ROR2: variants seen among roughly 807,000 people sequenced by gnomAD.
The protein encoded by ROR2 is ROR family WNT receptor 2.
Under a neutral mutation model 74.9 loss-of-function variants are expected in ROR2, and 33 were observed. That is an observed-to-expected ratio of 0.44 (90% CI 0.33 to 0.59). The LOEUF (loss-of-function observed/expected upper bound fraction) is 0.59, where lower values mean the gene tolerates loss of function less well. ROR2 is among the 20% of genes least tolerant of loss of function. The pLI, the probability that ROR2 is intolerant of heterozygous loss-of-function variation, is 0.02. For synonymous variants in ROR2, 586 were observed against 558.7 expected, an observed-to-expected ratio of 1.05 and a Z score of -0.69; for missense variants, 1,216 against 1,313.8, an observed-to-expected ratio of 0.93 and a Z score of 1.15.
At chr9:91,849,448 A>G (rs772241075) in intron 1 of ROR2, among the ~76,000 whole-genome samples, 18 of 152,210 alleles carry the variant, frequency 1.2e-4, no homozygotes, top group Non-Finnish European at 2.4e-4. Context: ...TAAAACTAAC[A>G]CTTCCAAGGA....
intron 1 of ROR2, among the ~76,000 whole-genome samples, chr9:91,918,113 T>G (rs1303304743): frequency 6.6e-6 from 1 of 152,018 alleles, no homozygotes; most frequent in Non-Finnish European, 1.5e-5. Flanking sequence ...CTACTAAATA[T>G]AAAAATCAGC....
chr9:91,734,613 T>C (rs1271257162), intron 5 of ROR2, among the ~76,000 whole-genome samples: 1 of 152,158 alleles, frequency 6.6e-6, no homozygotes, highest in Non-Finnish European at 1.5e-5. Context: ...AGGAACGGGA[T>C]GGGCAGCTGT....
At chr9:91,743,076 T>A (rs1825301093) in intron 4 of ROR2, among the ~76,000 whole-genome samples, 1 of 152,120 alleles carries the variant, frequency 6.6e-6, no homozygotes, top group Admixed American at 6.5e-5. Flanking sequence ...CTCTATGATG[T>A]CCCTACAAGG....
chr9:91,900,320 G>A (rs376274805), intron 1 of ROR2, among the ~76,000 whole-genome samples: 12 of 152,246 alleles, frequency 7.9e-5, no homozygotes, highest in Middle Eastern at 3.4e-3. Flanking sequence ...GACGGCAGAC[G>A]CAAGTCCTCC....
At chr9:91,776,787 C>T (rs1826433158) in intron 1 of ROR2, among the ~76,000 whole-genome samples, 1 of 152,128 alleles carries the variant, frequency 6.6e-6, no homozygotes, top group Non-Finnish European at 1.5e-5. Flanking sequence ...TGTAGAGAGA[C>T]CACATGAAAT....
Position 91,726,746 on chromosome 9 carries a change from G to A in ROR2, c.1184-3C>T, listed in dbSNP as rs1207243097. 6 of 1,613,822 alleles carry A rather than the reference G, an allele frequency of 3.7e-6. No homozygotes were observed. In the South Asian group the frequency reaches 6.6e-5, roughly 18 times the overall value. The stretch of plus-strand genomic sequence containing the variant: ...CATCTTGCTGCTGTCTCGGGGACCT[G>A]TGAACAATAAGGCTTTCGTGATTTT... On this transcript the variant is annotated splice_polypyrimidine_tract_variant and splice_region_variant and intron_variant, in intron 7 of 8. Transcript: ENST00000375708.
intron 1 of ROR2, among the ~76,000 whole-genome samples, chr9:91,800,570 C>T (rs1449617817): frequency 1.3e-5 from 2 of 152,074 alleles, no homozygotes; most frequent in African/African-American, 4.8e-5. Context: ...TCTGTGGTCT[C>T]TAATTTGAGT....
At chr9:91,771,925 G>A (rs183658091) in intron 2 of ROR2, among the ~76,000 whole-genome samples, 10 of 152,316 alleles carry the variant, frequency 6.6e-5, no homozygotes, top group Admixed American at 6.5e-4. Flanking sequence ...TATACATCAT[G>A]ACTGATGATT....
At chr9:91,928,446 G>A (rs923655917) in intron 1 of ROR2, among the ~76,000 whole-genome samples, 3 of 152,226 alleles carry the variant, frequency 2.0e-5, no homozygotes, top group Non-Finnish European at 2.9e-5. Flanking sequence ...GTGTGGGACT[G>A]TGCCCTGGTG....
At chr9:91,813,594 C>G (rs956071159) in intron 1 of ROR2, among the ~76,000 whole-genome samples, 1 of 152,152 alleles carries the variant, frequency 6.6e-6, no homozygotes, top group Non-Finnish European at 1.5e-5. Flanking sequence ...AACCAAACTG[C>G]AACGCAATGT....
chr9:91,829,904 CCTTT>C (rs1379951447), intron 1 of ROR2, among the ~76,000 whole-genome samples: 2 of 152,150 alleles, frequency 1.3e-5, no homozygotes, highest in South Asian at 2.1e-4. Flanking sequence ...GCAGCCCAGC[CCTTT>C]CTTTGAGTAA....
intron 1 of ROR2, among the ~76,000 whole-genome samples, chr9:91,913,745 C>T (rs1371306565): frequency 6.6e-6 from 1 of 152,172 alleles, no homozygotes; most frequent in Non-Finnish European, 1.5e-5. Context: ...AAAGCTTTCA[C>T]ATACGAGGTA....
intron 1 of ROR2, among the ~76,000 whole-genome samples, chr9:91,856,539 G>A (rs1425884819): frequency 6.6e-6 from 1 of 152,094 alleles, no homozygotes; most frequent in East Asian, 1.9e-4. Flanking sequence ...TGTCCTATAA[G>A]GAGAAGAGAT....
intron 5 of ROR2, among the ~76,000 whole-genome samples, chr9:91,734,180 C>G (rs769867592): frequency 2.6e-5 from 4 of 152,070 alleles, no homozygotes; most frequent in Non-Finnish European, 4.4e-5. Flanking sequence ...TCTGCTGCAC[C>G]TGGGGTGCAT....
chr9:91,844,077 C>G (rs983234400), intron 1 of ROR2, among the ~76,000 whole-genome samples: 2 of 152,220 alleles, frequency 1.3e-5, no homozygotes, highest in South Asian at 2.1e-4. Flanking sequence ...AGGGGGCCAT[C>G]AAACGCGGAG....
intron 1 of ROR2, among the ~76,000 whole-genome samples, chr9:91,909,861 T>TAG (rs1478366045): frequency 7.7e-6 from 1 of 129,194 alleles, no homozygotes; most frequent in Non-Finnish European, 1.6e-5. Context: ...TTTTTTTTTT[T>TAG]TTTTTTTTTT....
chr9:91,803,499 C>T (rs150438502), intron 1 of ROR2, among the ~76,000 whole-genome samples: 1 of 152,324 alleles, frequency 6.6e-6, no homozygotes, highest in Non-Finnish European at 1.5e-5. Flanking sequence ...ACTGTACACT[C>T]AGAAATGGTT....
chr9:91,879,905 GAGA>G (rs1264454915), intron 1 of ROR2, among the ~76,000 whole-genome samples: 2 of 151,972 alleles, frequency 1.3e-5, no homozygotes, highest in Non-Finnish European at 2.9e-5. Context: ...CATTTTTTCT[GAGA>G]AGATTCTCAG....
chr9:91,871,630 C>T (rs12002460), intron 1 of ROR2, among the ~76,000 whole-genome samples: 17,496 of 152,178 alleles, frequency 0.11, 2,197 homozygotes, highest in African/African-American at 0.32. Context: ...TCTCCTGAAT[C>T]AGAGTGGGCC....
Sources: allele counts gnomAD v4.1 joint callset (sites outside exome capture counted in the v4.1 genomes callset), GRCh38; gene constraint gnomAD v4.1.1; transcripts MANE v1.5; gene names NCBI Gene and HGNC (gene_info 2026-07-23, HGNC 2026-07-21).